The following RNF180 variants were observed in gnomAD, a reference collection of about 807,000 sequenced individuals.
RNF180 encodes the protein ring finger protein 180, also known as E3 ubiquitin-protein ligase RNF180.
RNF180 carries 38 observed loss-of-function variants against 59.2 expected under a neutral mutation model. The observed-to-expected ratio is 0.64, with a 90% confidence interval of 0.50 to 0.84. The LOEUF (loss-of-function observed/expected upper bound fraction) is 0.84. RNF180 is among the 40% of genes least tolerant of loss of function. RNF180 has a pLI of 0.00. For missense variants in RNF180, 705 were observed against 700.9 expected (o/e 1.01, Z -0.07); for synonymous variants, 262 against 240.3 (o/e 1.09, Z -0.84).
chr5:64,354,898 G>A (rs1302790515), intron 7 of RNF180, among the ~76,000 whole-genome samples: 1 of 151,818 alleles, frequency 6.6e-6, no homozygotes, highest in Non-Finnish European at 1.5e-5. Flanking sequence ...ACACTCAGAA[G>A]ACTAGGAGTA....
chr5:64,230,491 A>G (rs566723581), intron 5 of RNF180, among the ~76,000 whole-genome samples: 4 of 152,256 alleles, frequency 2.6e-5, no homozygotes, highest in Admixed American at 2.0e-4. Context: ...CTTTCTCACA[A>G]TGTCATCTCT....
At chr5:64,181,815 C>G (rs1410457079) in intron 1 of RNF180, among the ~76,000 whole-genome samples, 1 of 152,078 alleles carries the variant, frequency 6.6e-6, no homozygotes, top group East Asian at 1.9e-4. Flanking sequence ...ACATTAATTT[C>G]AGTAATTGAT....
rs768633506 is a variant in RNF180, at chr5:64,213,802, A to G, written c.476A>G (p.Glu159Gly). Reference sequence around the variant, plus strand: ...GCTCTGCTGACAGGTGGTGGCTCTGAAAACAGAAATCACAGGCTTTTAAAC... The same window carrying G: ...GCTCTGCTGACAGGTGGTGGCTCTGGAAACAGAAATCACAGGCTTTTAAAC... Reference protein sequence around the residue: ...KEALLTGGGSENRNHRLLNMA... With the variant: ...KEALLTGGGSGNRNHRLLNMA... The change falls in exon 4 of 8, where the codon GAA becomes GGA. Residue 159 changes from glutamate to glycine, a missense_variant. By Grantham distance (98) the Glu-to-Gly change is moderately conservative. Transcript: ENST00000389100. 14 of 1,614,068 alleles carry G rather than the reference A, an allele frequency of 8.7e-6. No homozygotes were observed. The highest frequency in any genetic ancestry group is 1.1e-5 in the Non-Finnish European group (13 of 1,180,038).
chr5:64,247,001 A>T (rs1449455913), intron 5 of RNF180, among the ~76,000 whole-genome samples: 1 of 152,238 alleles, frequency 6.6e-6, no homozygotes, highest in Non-Finnish European at 1.5e-5. Flanking sequence ...AGAACCAATG[A>T]CAAAAATTAC....
intron 5 of RNF180, among the ~76,000 whole-genome samples, chr5:64,225,567 G>C (rs11739334): frequency 7.7e-6 from 1 of 130,224 alleles, no homozygotes; most frequent in Non-Finnish European, 1.6e-5. Context: ...TGGCTGCCCC[G>C]TCTGGGAGGA....
chr5:64,268,584 A>C (rs1357626268), intron 5 of RNF180, among the ~76,000 whole-genome samples: 2 of 152,130 alleles, frequency 1.3e-5, no homozygotes, highest in African/African-American at 4.8e-5. Flanking sequence ...AAATCAAAAT[A>C]CCCCTTATAC....
At chr5:64,229,238 TA>T (rs1411890358) in intron 5 of RNF180, among the ~76,000 whole-genome samples, 1 of 152,134 alleles carries the variant, frequency 6.6e-6, no homozygotes, top group Non-Finnish European at 1.5e-5. Flanking sequence ...AACTTTCTAC[TA>T]AAAAATAATT....
intron 5 of RNF180, among the ~76,000 whole-genome samples, chr5:64,225,473 T>C (rs1421920090): frequency 6.9e-6 from 1 of 143,958 alleles, no homozygotes; most frequent in Non-Finnish European, 1.5e-5. Flanking sequence ...GAGGAGTGCC[T>C]CTGCCTGGCC....
In RNF180 at chr5:64,200,884, G is replaced by GA; in HGVS notation, c.81dup (p.Cys28MetfsTer13). The GA allele has an allele frequency of 6.2e-7, 1 of 1,613,288 alleles. No individual in the cohort carries two copies. Among genetic ancestry groups the GA allele is most frequent in the Non-Finnish European group, 8.5e-7 (1 of 1,179,280 alleles). ...AGTATTCTTCGTTGTTGGAAATGTAGAAAATGTATAGCAAGCTCTGGTTGT... is the reference window on the plus strand; with the variant it reads ...AGTATTCTTCGTTGTTGGAAATGTAGAAAAATGTATAGCAAGCTCTGGTTGT... On this transcript the variant is annotated frameshift_variant, in exon 2 of 8. Coordinates refer to ENST00000389100, the MANE Select transcript of RNF180 (RefSeq NM_001113561.2). LOFTEE classifies it high-confidence loss of function.
At chr5:64,176,896 A>G (rs1241266054) in intron 1 of RNF180, among the ~76,000 whole-genome samples, 1 of 152,176 alleles carries the variant, frequency 6.6e-6, no homozygotes, top group Non-Finnish European at 1.5e-5. Flanking sequence ...AAATTGAAGT[A>G]TGGACACATA....
rs570873934 is a variant in RNF180 at position 64,218,322 on chromosome 5, T to C, written c.1227+926T>C. Among the ~76,000 whole-genome samples the C allele has an allele frequency of 2.8e-4, 42 of 152,250 alleles. 1 individual carries two copies. Among genetic ancestry groups the C allele is most frequent in the Admixed American group, 5.2e-4 (8 of 15,296 alleles). ...GTAATAAGTTGTGAGACTTAAGGGGTATATTATTTTACATAGAGATCCTCA... is the reference window on the plus strand; with the variant it reads ...GTAATAAGTTGTGAGACTTAAGGGGCATATTATTTTACATAGAGATCCTCA... On this transcript the variant is annotated intron_variant, in intron 5 of 7. Coordinates refer to ENST00000389100, the MANE Select transcript of RNF180 (RefSeq NM_001113561.2).
At position 64,349,595 on chromosome 5, in the gene RNF180, A is replaced by C. The variant is rs556282880; in HGVS notation, c.1579+19189A>C. Among the ~76,000 whole-genome samples the C allele has an allele frequency of 1.9e-3, 278 of 149,642 alleles. 4 individuals carry two copies. The highest frequency in any genetic ancestry group is 4.3e-3 in the East Asian group (22 of 5,058). ...TATCTCTCCCCCCTTGCCCCCCACC[A>C]CACCATGACAGGCCCCAGTGTGTGA... On this transcript the variant is annotated intron_variant, in intron 7 of 7. Transcript: ENST00000389100.
chr5:64,325,224 A>C lies in RNF180; in HGVS notation c.1266A>C (p.Glu422Asp), dbSNP rs1448289852. The change falls in exon 6 of 8, where the codon GAA (glutamate) becomes GAC (aspartate). Residue 422 changes from glutamate (E) to aspartate (D), a missense_variant. By Grantham distance (45) the Glu-to-Asp change is conservative. Transcript: ENST00000389100. ...AGATGAGTACAGATGAAGACAATGA[A>C]TATGCAGAAGAAAAGGATAGCTACA... ...NNEMSTDEDN[E>D]YAEEKDSYIC... 1 of 1,551,494 alleles carries C rather than the reference A, an allele frequency of 6.4e-7. No homozygotes were observed. Among genetic ancestry groups the C allele is most frequent in the Admixed American group, 2.0e-5 (1 of 51,010 alleles).
chr5:64,198,598 G>A (rs1751571984), intron 1 of RNF180, among the ~76,000 whole-genome samples: 1 of 152,102 alleles, frequency 6.6e-6, no homozygotes, highest in Non-Finnish European at 1.5e-5. Context: ...GGTATTTCAG[G>A]GTTGGAGGGC....
intron 5 of RNF180, among the ~76,000 whole-genome samples, chr5:64,281,422 A>G (rs62369365): frequency 6.6e-6 from 1 of 152,122 alleles, no homozygotes; most frequent in Non-Finnish European, 1.5e-5. Context: ...ATTCAGGATA[A>G]TGTTGGCTGT....
At chr5:64,226,743 A>T (rs1348683479) in intron 5 of RNF180, among the ~76,000 whole-genome samples, 1 of 152,228 alleles carries the variant, frequency 6.6e-6, no homozygotes, top group Non-Finnish European at 1.5e-5. Flanking sequence ...CAGCACAGAT[A>T]TAGCTGGTAA....
chr5:64,361,303 A>T (rs1407240703), intron 7 of RNF180, among the ~76,000 whole-genome samples: 1 of 151,556 alleles, frequency 6.6e-6, no homozygotes, highest in Non-Finnish European at 1.5e-5. Context: ...ATTTATCCAT[A>T]TGAAGGAATG....
intron 7 of RNF180, among the ~76,000 whole-genome samples, chr5:64,339,162 T>G (rs1745256588): frequency 1.3e-5 from 2 of 152,112 alleles, no homozygotes; most frequent in South Asian, 4.1e-4. Flanking sequence ...ATTTGTCAAT[T>G]TTATTATTCC....
At chr5:64,257,899 A>G (rs1316175988) in intron 5 of RNF180, among the ~76,000 whole-genome samples, 1 of 152,178 alleles carries the variant, frequency 6.6e-6, no homozygotes, top group East Asian at 1.9e-4. Flanking sequence ...TGTGTCAGAT[A>G]CTCTTCTCAG....
Sources: allele counts gnomAD v4.1 joint callset (sites outside exome capture counted in the v4.1 genomes callset), GRCh38; gene constraint gnomAD v4.1.1; transcripts MANE v1.5; gene names NCBI Gene and HGNC (gene_info 2026-07-23, HGNC 2026-07-21).